The following RECK variants were observed in gnomAD, a reference collection of about 807,000 sequenced individuals.
RECK encodes the protein reversion-inducing cysteine-rich protein with Kazal motifs.
RECK carries 69 observed loss-of-function variants against 115.1 expected under a neutral mutation model. That is an observed-to-expected ratio of 0.60 (90% CI 0.49 to 0.73). The LOEUF (loss-of-function observed/expected upper bound fraction) is 0.73. Among genes scored for constraint, RECK ranks in the 30% least tolerant of loss-of-function variants. The pLI is 0.00. For missense variants in RECK, 1,047 were observed against 1,203.7 expected (o/e 0.87, Z 1.93); for synonymous variants, 414 against 419.7 (o/e 0.99, Z 0.17).
intron 2 of RECK, among the ~76,000 whole-genome samples, chr9:36,056,333 G>GT (rs1303353690): frequency 6.6e-6 from 1 of 151,864 alleles, no homozygotes; most frequent in Non-Finnish European, 1.5e-5. Context: ...TATTTAAAAG[G>GT]TTTTTTTAGT....
intron 7 of RECK, among the ~76,000 whole-genome samples, chr9:36,081,124 G>T (rs2132620904): frequency 6.6e-6 from 1 of 152,234 alleles, no homozygotes; most frequent in East Asian, 1.9e-4. Context: ...GCTGATCCCG[G>T]GCATGAAGGA....
chr9:36,108,025 A>G lies in RECK; in HGVS notation c.1626A>G (p.Leu542=), dbSNP rs1299083350. 2.5e-6 allele frequency: 4 copies of G among 1,613,784 alleles called. No individual in the cohort carries two copies. Among genetic ancestry groups the G allele is most frequent in the Non-Finnish European group, 2.5e-6 (3 of 1,179,924 alleles). The change falls in exon 14 of 21, where the codon CTA becomes CTG. Residue 542 remains leucine, a synonymous_variant. Coordinates refer to ENST00000377966, the MANE Select transcript of RECK (RefSeq NM_021111.3). ...ASDFIVRQGT[L]IQVPSSAGEV... ...ATTTCATTGTCCGTCAAGGGACACT[A>G]ATCCAGGTGCCATCATCTGCAGGGG... is the stretch of plus-strand genomic sequence containing the variant.
intron 10 of RECK, among the ~76,000 whole-genome samples, chr9:36,095,999 C>G (rs11534200): frequency 6.8e-6 from 1 of 146,064 alleles, no homozygotes. Flanking sequence ...ACCTGGGAGG[C>G]GGAGGTTGCA....
At position 36,103,454 on chromosome 9, in the gene RECK, C is replaced by T. The variant is rs187650123; in HGVS notation, c.1435+1224C>T. Reference sequence around the variant, plus strand: ...ACATGGCTATTGGAGTTCTAACCACCATAATCTAGTTCCAGAAGGTAAAAA... The same window carrying T: ...ACATGGCTATTGGAGTTCTAACCACTATAATCTAGTTCCAGAAGGTAAAAA... On this transcript the variant is annotated intron_variant, in intron 12 of 20. Transcript: ENST00000377966. Among the ~76,000 whole-genome samples the T allele has an allele frequency of 2.0e-5, 3 of 152,220 alleles. No individual in the cohort carries two copies. The East Asian group carries it at 5.8e-4, about 29-fold the overall frequency.
rs761095737 is a variant in RECK, at chr9:36,072,464, T to C, written c.405+6840T>C. On this transcript the variant is annotated intron_variant, in intron 6 of 20. Transcript: ENST00000377966. ...TTGTGGCAGATCACAGCCTAGGCTA[T>C]GGACAGTTTTGTTCCTTGCCCAGTC... Among the ~76,000 whole-genome samples, 6 of 152,194 alleles carry C rather than the reference T, an allele frequency of 3.9e-5. 1 individual carries two copies. In the South Asian group the frequency reaches 6.2e-4, roughly 16 times the overall value.
chr9:36,085,482 G>A (rs1822914734), intron 8 of RECK: 1 of 154,194 alleles, frequency 6.5e-6, no homozygotes, highest in African/African-American at 2.4e-5. Context: ...AGCGCTTTGT[G>A]ATGCTGAGGC....
intron 10 of RECK, among the ~76,000 whole-genome samples, chr9:36,097,345 GA>G (rs1353063987): frequency 1.3e-4 from 18 of 142,266 alleles, no homozygotes; most frequent in Admixed American, 9.0e-4. Context: ...AAAAAAAAAA[GA>G]AAAAAATTGT....
chr9:36,095,799 G>A (rs1038082586), intron 10 of RECK, among the ~76,000 whole-genome samples: 2 of 151,848 alleles, frequency 1.3e-5, no homozygotes, highest in Admixed American at 6.6e-5. Flanking sequence ...GGCCAGGCAC[G>A]GTGGCTCACG....
chr9:36,117,500 G>A (rs1824308323), intron 17 of RECK, among the ~76,000 whole-genome samples: 1 of 152,092 alleles, frequency 6.6e-6, no homozygotes, highest in Non-Finnish European at 1.5e-5. Context: ...AGTTCTCTGG[G>A]CCCTCACTAA....
At chr9:36,041,967 A>G (rs1193987920) in intron 1 of RECK, among the ~76,000 whole-genome samples, 1 of 152,124 alleles carries the variant, frequency 6.6e-6, no homozygotes, top group African/African-American at 2.4e-5. Flanking sequence ...GTGAGTTACC[A>G]TATGAAATAT....
rs535269412 is a variant in RECK at position 36,078,104 on chromosome 9, G to A, written c.406-2501G>A. ...AGTATGTAACTGAATGGGCATGTCT[G>A]TCTTCCAATAAAAACTTTATTTCCA... On this transcript the variant is annotated intron_variant, in intron 6 of 20. Coordinates refer to ENST00000377966, the MANE Select transcript of RECK (RefSeq NM_021111.3). Among the ~76,000 whole-genome samples the A allele has an allele frequency of 4.5e-4, 68 of 152,364 alleles. 2 individuals are homozygous for A. The South Asian group carries it at 0.013, about 30-fold the overall frequency.
rs555179643 is a variant in RECK at position 36,112,225 on chromosome 9, C to A, written c.1889-80C>A. 3 of 1,349,720 alleles carry A rather than the reference C, an allele frequency of 2.2e-6. No individual in the cohort carries two copies. In the East Asian group the frequency reaches 7.1e-5, roughly 32 times the overall value. 83.6% of individuals were successfully genotyped at this position (1,349,720 alleles called of 1,614,324 possible). ...AACGTGAGACCTTCACATGATTGCT[C>A]ATGGTTTGCCTTAACAAGGAAATAT... On this transcript the variant is annotated intron_variant, in intron 15 of 20. Transcript: ENST00000377966.
chr9:36,099,224 T>TCATCAA (rs1823469072), intron 10 of RECK, among the ~76,000 whole-genome samples: 1 of 146,870 alleles, frequency 6.8e-6, no homozygotes, highest in African/African-American at 2.5e-5. Context: ...AGAACCTGTC[T>TCATCAA]CAACAACAAC....
intron 10 of RECK, among the ~76,000 whole-genome samples, chr9:36,098,320 A>G (rs1823440175): frequency 6.6e-6 from 1 of 152,248 alleles, no homozygotes; most frequent in Non-Finnish European, 1.5e-5. Flanking sequence ...TACGTTGCAC[A>G]CAATAAATAT....
At chr9:36,043,664 A>C (rs930832514) in intron 1 of RECK, among the ~76,000 whole-genome samples, 1 of 152,192 alleles carries the variant, frequency 6.6e-6, no homozygotes, top group Non-Finnish European at 1.5e-5. Context: ...TCTTAGAATT[A>C]AGTCTTGATC....
At chr9:36,084,128 G>A (rs747961262) in intron 8 of RECK, among the ~76,000 whole-genome samples, 1 of 152,128 alleles carries the variant, frequency 6.6e-6, no homozygotes, top group Non-Finnish European at 1.5e-5. Context: ...GAGTGTGGTC[G>A]CTCATGCCTG....
At position 36,080,515 on chromosome 9, in the gene RECK, C is replaced by T. The variant is rs1822643273; in HGVS notation, c.406-90C>T. On this transcript the variant is annotated intron_variant, in intron 6 of 20. Coordinates refer to ENST00000377966, the MANE Select transcript of RECK (RefSeq NM_021111.3). Reference sequence around the variant, plus strand: ...GGGAAGAATTAAATAGTTTTAATATCATGATTTCCATGTAACCATAAAGTG... The same window carrying T: ...GGGAAGAATTAAATAGTTTTAATATTATGATTTCCATGTAACCATAAAGTG... 1.2e-5 allele frequency: 12 copies of T among 1,030,656 alleles called. No homozygotes were observed. The South Asian group carries it at 1.6e-4, about 14-fold the overall frequency. 63.8% of individuals were successfully genotyped at this position (1,030,656 alleles called of 1,614,324 possible).
At chr9:36,092,690 CCAA>C (rs1313045470) in intron 10 of RECK, among the ~76,000 whole-genome samples, 1 of 151,884 alleles carries the variant, frequency 6.6e-6, no homozygotes, top group Non-Finnish European at 1.5e-5. Context: ...CCACGAGTGG[CCAA>C]CGTCTCTTGA....
chr9:36,097,733 T>C (rs1293593736), intron 10 of RECK, among the ~76,000 whole-genome samples: 2 of 152,206 alleles, frequency 1.3e-5, no homozygotes, highest in Non-Finnish European at 2.9e-5. Flanking sequence ...CACTCCCACA[T>C]TCACTGCAGC....
Sources: allele counts gnomAD v4.1 joint callset (sites outside exome capture counted in the v4.1 genomes callset), GRCh38; gene constraint gnomAD v4.1.1; transcripts MANE v1.5; gene names NCBI Gene and HGNC (gene_info 2026-07-23, HGNC 2026-07-21).